TCF3: variants seen among roughly 807,000 people sequenced by gnomAD.
TCF3 encodes transcription factor E2-alpha.
TCF3 carries 54 observed loss-of-function variants against 72.3 expected under a neutral mutation model. That is an observed-to-expected ratio of 0.75 (90% confidence interval 0.60 to 0.94). The LOEUF is 0.94. Among genes scored for constraint, TCF3 ranks in the 40% least tolerant of loss-of-function variants. The pLI, the probability that TCF3 is intolerant of heterozygous loss-of-function variation, is 0.00. For synonymous variants in TCF3, 525 were observed against 412.6 expected (o/e 1.27, Z -3.30); for missense variants, 1,078 against 934.4 (o/e 1.15, Z -2.00).
At chr19:1,651,661 C>T (rs1018986185) in intron 1 of TCF3, among the ~76,000 whole-genome samples, 7 of 152,022 alleles carry the variant, frequency 4.6e-5, no homozygotes, top group African/African-American at 1.7e-4. Flanking sequence ...ACGCCTTTTT[C>T]CCGGGGGGAG....
chr19:1,611,792 G>A lies in TCF3; in HGVS notation c.1880C>T (p.Ser627Leu), dbSNP rs888299643. ...CATCTGGGGGTCTCCAACCACACCT[G>A]ACACCTTTTCCTCTTCTCGCCGTTT... The part of the protein sequence containing the change: ...CLKRREEEKV[S>L]GVVGDPQMVL... The change falls in exon 19 of 19, where the codon TCA becomes TTA. Residue 627 changes from serine (S) to leucine (L), a missense_variant. By Grantham distance (145) the Ser-to-Leu change is moderately radical. Coordinates refer to ENST00000262965, the MANE Select transcript of TCF3 (RefSeq NM_003200.5). 3 of 1,613,812 alleles carry A rather than the reference G, an allele frequency of 1.9e-6. No individual in the cohort carries two copies. The highest frequency in any genetic ancestry group is 2.5e-6 in the Non-Finnish European group (3 of 1,179,964).
chr19:1,638,243 AC>A (rs2064736583), intron 3 of TCF3, among the ~76,000 whole-genome samples: 1 of 152,270 alleles, frequency 6.6e-6, no homozygotes, highest in Non-Finnish European at 1.5e-5. Flanking sequence ...AAGGAAACTG[AC>A]GCAAAAGATA....
At chr19:1,619,085 G>A (rs763105854) in intron 16 of TCF3, 26 bp downstream of exon 16, 12 of 1,598,860 alleles carry the variant, frequency 7.5e-6, no homozygotes, top group South Asian at 4.4e-5. Context: ...ACCAGGAGTC[G>A]GACAGTCCCA....
Position 1,627,438 on chromosome 19 carries a change from G to C in TCF3, c.299-12C>G. On this transcript the variant is annotated splice_polypyrimidine_tract_variant and intron_variant, in intron 5 of 18. Coordinates refer to ENST00000262965, the MANE Select transcript of TCF3 (RefSeq NM_003200.5). ...CTCACCGCTCTTGCCTGCAAGGGGAGAAGGAAGGTTAGTGGGAGGCGACCC... is the reference window on the plus strand; with the variant it reads ...CTCACCGCTCTTGCCTGCAAGGGGACAAGGAAGGTTAGTGGGAGGCGACCC... 6.2e-7 allele frequency: 1 copy of C among 1,611,658 alleles called. No individual in the cohort carries two copies. Among genetic ancestry groups the C allele is most frequent in the Non-Finnish European group, 8.5e-7 (1 of 1,179,512 alleles).
rs2062139084 is a variant in TCF3 at position 1,621,034 on chromosome 19, C to G, written c.1027G>C (p.Asp343His). 1 of 1,525,502 alleles carries G rather than the reference C, an allele frequency of 6.6e-7. No individual in the cohort carries two copies. Among genetic ancestry groups the G allele is most frequent in the Non-Finnish European group, 8.8e-7 (1 of 1,132,482 alleles). 94.5% of individuals were successfully genotyped at this position (1,525,502 alleles called of 1,614,324 possible). ...GACGAGAAGTTATTGCTTGAGTGAT[C>G]CGGGGAGTAGATCTGCGAGGAGGAC... ...GKALASIYSP[D>H]HSSNNFSSSP... The change falls in exon 13 of 19, where the codon GAT (aspartate) becomes CAT (histidine). Residue 343 changes from aspartate (D) to histidine (H), a missense_variant. Coordinates refer to ENST00000262965, the MANE Select transcript of TCF3 (RefSeq NM_003200.5).
chr19:1,623,753 G>A (rs1414041054), intron 8 of TCF3, among the ~76,000 whole-genome samples, 198 bp downstream of exon 8: 1 of 152,136 alleles, frequency 6.6e-6, no homozygotes, highest in Non-Finnish European at 1.5e-5. Context: ...ACAGACAGAG[G>A]CTGGACCTAG....
chr19:1,619,539 G>A (rs1365414149), intron 14 of TCF3, 65 bp from the exon 15 acceptor site: 1 of 1,517,738 alleles, frequency 6.6e-7, no homozygotes, highest in Non-Finnish European at 8.8e-7. Flanking sequence ...CTCCATTCAT[G>A]TCCCTTCCGC....
At position 1,609,630 on chromosome 19, in the gene TCF3, G is replaced by A. The variant is rs1046809046; in HGVS notation, c.*2077C>T. 16 of 223,022 alleles carry A rather than the reference G, an allele frequency of 7.2e-5. No individual in the cohort carries two copies. The highest frequency in any genetic ancestry group is 2.2e-4 in the African/African-American group (10 of 44,772). 13.8% of individuals were successfully genotyped at this position (223,022 alleles called of 1,614,324 possible). On this transcript the variant is annotated 3_prime_UTR_variant, in exon 19 of 19. Coordinates refer to ENST00000262965, the MANE Select transcript of TCF3 (RefSeq NM_003200.5). ...GGCAGGGCCAGGAGCAAAACAAGAG[G>A]GAGAGGCAAGTTCCCTTAAGAGATC...
In TCF3 at chr19:1,619,385, C is replaced by T; in HGVS notation, c.1257G>A (p.Leu419=). ...CTGAGGCCAGCGCCCCGTGGCCAGG[C>T]AGCAGCGTGTGCATGTCGCCGGCTG... is the stretch of plus-strand genomic sequence containing the variant. ...VGTAGDMHTL[L]PGHGALASGF... Residue 419 remains leucine (L), a synonymous_variant, in exon 15 of 19, where the codon CTG becomes CTA. Coordinates refer to ENST00000262965, the MANE Select transcript of TCF3 (RefSeq NM_003200.5). The T allele has an allele frequency of 1.9e-6, 3 of 1,592,926 alleles. No individual in the cohort carries two copies. The highest frequency in any genetic ancestry group is 1.1e-5 in the South Asian group (1 of 90,580).
At chr19:1,648,129 A>T (rs2066405181) in intron 2 of TCF3, among the ~76,000 whole-genome samples, 1 of 152,098 alleles carries the variant, frequency 6.6e-6, no homozygotes, top group African/African-American at 2.4e-5. Flanking sequence ...CGCGCTGGGA[A>T]CAGCCTGGGT....
rs201873505 is a variant in TCF3, at chr19:1,622,111, C to T, written c.765G>A (p.Pro255=). The change falls in exon 10 of 19, where the codon CCG becomes CCA. Residue 255 remains proline (P), a synonymous_variant. Coordinates refer to ENST00000262965, the MANE Select transcript of TCF3 (RefSeq NM_003200.5). ...TGCTGCTGCTTCCACTGCTGCCCAC[C>T]GGGCCGCTACCGGGCGGGAGGGGCA... ...SPLPLPPGSG[P]VGSSGSSSTF... The T allele has an allele frequency of 1.0e-3, 1,658 of 1,602,960 alleles. 15 individuals are homozygous for T. The African/African-American group carries it at 0.019, about 18-fold the overall frequency.
chr19:1,642,893 G>A (rs897683653), intron 3 of TCF3, among the ~76,000 whole-genome samples: 5 of 152,224 alleles, frequency 3.3e-5, no homozygotes, highest in African/African-American at 9.7e-5. Context: ...AAAGCAGAAC[G>A]CGGAGGTGCC....
At chr19:1,622,725 T>C (rs1250723954) in intron 8 of TCF3, among the ~76,000 whole-genome samples, 1 of 152,056 alleles carries the variant, frequency 6.6e-6, no homozygotes, top group East Asian at 1.9e-4. Flanking sequence ...TCCAGAAAAC[T>C]CCTATCGACC....
At chr19:1,627,073 G>A (rs1308386193) in intron 6 of TCF3, among the ~76,000 whole-genome samples, 1 of 152,156 alleles carries the variant, frequency 6.6e-6, no homozygotes, top group African/African-American at 2.4e-5. Flanking sequence ...GCAAAGCCCT[G>A]CTGCATGGCC....
intron 3 of TCF3, among the ~76,000 whole-genome samples, chr19:1,642,162 A>T (rs376994425): frequency 1.4e-5 from 2 of 146,554 alleles, no homozygotes. Flanking sequence ...ACACACACAC[A>T]CACGCACGCG....
chr19:1,623,093 G>A lies in TCF3; in HGVS notation c.550-678C>T, dbSNP rs992470041. ...CCTGACCACGCCTTTGGCCTGGGAA[G>A]TCAACCTGACTCTAACCCCGAACCC... On this transcript the variant is annotated intron_variant, in intron 8 of 18. Transcript: ENST00000262965. Among the ~76,000 whole-genome samples, 6 of 152,192 alleles carry A rather than the reference G, an allele frequency of 3.9e-5. 1 individual carries two copies. The highest frequency in any genetic ancestry group is 4.1e-4 in the South Asian group (2 of 4,832).
chr19:1,644,663 G>A (rs1159633554), intron 3 of TCF3, among the ~76,000 whole-genome samples: 1 of 152,178 alleles, frequency 6.6e-6, no homozygotes, highest in Non-Finnish European at 1.5e-5. Flanking sequence ...GGCGTCCAGG[G>A]AGAGGCAACC....
At chr19:1,645,236 G>C (rs948930814) in intron 3 of TCF3, among the ~76,000 whole-genome samples, 1 of 152,006 alleles carries the variant, frequency 6.6e-6, no homozygotes, top group Non-Finnish European at 1.5e-5. Context: ...AGATCCCGGA[G>C]GCAGGAAGGA....
In TCF3 at chr19:1,615,715, C is replaced by T. The variant is rs1030457809; in HGVS notation, c.1557G>A (p.Lys519=). 3.7e-6 allele frequency: 6 copies of T among 1,613,360 alleles called. No individual in the cohort carries two copies. The highest frequency in any genetic ancestry group is 1.3e-5 in the African/African-American group (1 of 75,004). ...SAADHSEEEK[K]ELKAPRARTS... ...TCCGGGCCCGGGGGGCCTTCAGCTC[C>T]TTCTTCTCCTCCTCCGAGTGGTCAG... The change falls in exon 17 of 19, where the codon AAG becomes AAA. Residue 519 remains lysine (K), a synonymous_variant. Transcript: ENST00000262965. The surrounding 1 kb of genome is among the most constrained non-coding windows in gnomAD (Gnocchi z 7.3).
Sources: gnomAD v4.1 joint callset for allele counts (sites outside exome capture counted in the v4.1 genomes callset) on GRCh38, gnomAD v4.1.1 for gene constraint, Gnocchi (gnomAD v3.1) non-coding constraint, MANE v1.5 for transcripts, NCBI Gene and HGNC (gene_info 2026-07-23, HGNC 2026-07-21) for gene names.